The following UXS1 variants were observed in gnomAD, a reference collection of about 807,000 sequenced individuals.
UXS1 encodes UDP-glucuronic acid decarboxylase 1.
UXS1 carries 33 observed loss-of-function variants against 62.6 expected under a neutral mutation model. The ratio of observed to expected loss-of-function variants is 0.53; its 90% CI spans 0.40 to 0.70. UXS1 has a LOEUF of 0.70. UXS1 is among the 30% of genes least tolerant of loss of function. UXS1 has a pLI of 0.00. For missense variants in UXS1, 434 were observed against 556.3 expected (o/e 0.78, Z 2.21); for synonymous variants, 213 against 206.8 (o/e 1.03, Z -0.26).
intron 5 of UXS1, among the ~76,000 whole-genome samples, chr2:106,148,395 T>C (rs1681750656): frequency 6.6e-6 from 1 of 152,268 alleles, no homozygotes; most frequent in Non-Finnish European, 1.5e-5. Flanking sequence ...GTAACCCCTT[T>C]TAACATAACT....
intron 7 of UXS1, 81 bp downstream of exon 7, chr2:106,129,593 T>C (rs1361494043): frequency 6.8e-6 from 8 of 1,181,958 alleles, no homozygotes; most frequent in African/African-American, 1.5e-5. Flanking sequence ...CAAACTCTAG[T>C]AGAAGATTCA....
intron 6 of UXS1, among the ~76,000 whole-genome samples, chr2:106,143,871 G>A (rs897126452): frequency 1.3e-5 from 2 of 152,118 alleles, no homozygotes; most frequent in Non-Finnish European, 2.9e-5. Context: ...TGGTCTCCCC[G>A]CGGTATCTCT....
chr2:106,177,496 T>G (rs921276546), intron 1 of UXS1, among the ~76,000 whole-genome samples: 1 of 152,196 alleles, frequency 6.6e-6, no homozygotes, highest in Non-Finnish European at 1.5e-5. Context: ...AAGCCCGGCC[T>G]AGCTACATGC....
intron 5 of UXS1, among the ~76,000 whole-genome samples, chr2:106,151,511 C>T (rs1682015677): frequency 6.6e-6 from 1 of 152,082 alleles, no homozygotes; most frequent in Non-Finnish European, 1.5e-5. Context: ...GCCCTTCTGC[C>T]ACGGGATGAC....
chr2:106,117,307 A>G (rs998842176), intron 9 of UXS1, among the ~76,000 whole-genome samples: 3 of 152,200 alleles, frequency 2.0e-5, no homozygotes, highest in Non-Finnish European at 1.5e-5. Context: ...GATAGCTCAC[A>G]TTTATTTCAA....
chr2:106,146,225 G>A (rs1681554650), intron 5 of UXS1, among the ~76,000 whole-genome samples: 1 of 152,310 alleles, frequency 6.6e-6, no homozygotes, highest in Admixed American at 6.5e-5. Context: ...AAACAGACGT[G>A]CCATGCACAA....
Position 106,131,090 on chromosome 2 carries a change from C to G in UXS1, c.473-1312G>C, listed in dbSNP as rs867748052. ...GAAGCAGGGCGAGGCATTGCCTCACCTGGGAAGCGCAAGGGGTCAGGGAGT... is the reference window on the plus strand; with the variant it reads ...GAAGCAGGGCGAGGCATTGCCTCACGTGGGAAGCGCAAGGGGTCAGGGAGT... On this transcript the variant is annotated intron_variant, in intron 6 of 14. Transcript: ENST00000283148. Among the ~76,000 whole-genome samples, 21 of 149,346 alleles carry G rather than the reference C, an allele frequency of 1.4e-4. No individual in the cohort carries two copies. In the Middle Eastern group the frequency reaches 0.01, roughly 73 times the overall value.
At chr2:106,126,820 C>T (rs1187051641) in intron 7 of UXS1, among the ~76,000 whole-genome samples, 1 of 152,192 alleles carries the variant, frequency 6.6e-6, no homozygotes, top group Admixed American at 6.5e-5. Flanking sequence ...ACTATTTCCA[C>T]TGAAACGGAC....
Position 106,112,630 on chromosome 2 carries a change from C to A in UXS1, c.879+16G>T. On this transcript the variant is annotated intron_variant, in intron 10 of 14. Coordinates refer to ENST00000283148, the MANE Select transcript of UXS1 (RefSeq NM_001253875.2). ...TTGGGTTGCAAGGTGCTCCCTGAGCCGAGGCCAGCACCTACCGTGAGTGGC... is the reference window on the plus strand; with the variant it reads ...TTGGGTTGCAAGGTGCTCCCTGAGCAGAGGCCAGCACCTACCGTGAGTGGC... The A allele has an allele frequency of 6.2e-7, 1 of 1,613,222 alleles. No individual in the cohort carries two copies. The highest frequency in any genetic ancestry group is 8.5e-7 in the Non-Finnish European group (1 of 1,179,644).
chr2:106,147,870 A>G (rs2105006627), intron 5 of UXS1, among the ~76,000 whole-genome samples: 1 of 152,352 alleles, frequency 6.6e-6, no homozygotes, highest in East Asian at 1.9e-4. Flanking sequence ...TCAGTTAACA[A>G]GGCCAACCTC....
intron 1 of UXS1, among the ~76,000 whole-genome samples, chr2:106,169,349 T>A (rs969362249): frequency 3.3e-5 from 5 of 152,250 alleles, no homozygotes; most frequent in African/African-American, 1.2e-4. Context: ...AATCATTCCA[T>A]CGTTATTTGC....
intron 10 of UXS1, 61 bp downstream of exon 10, chr2:106,112,585 C>T: frequency 6.3e-7 from 1 of 1,594,124 alleles, no homozygotes; most frequent in Non-Finnish European, 8.5e-7. Flanking sequence ...ATCCCTCATC[C>T]TTTGTGAGCT....
chr2:106,158,026 A>G, intron 5 of UXS1, 32 bp downstream of exon 5: 1 of 1,514,144 alleles, frequency 6.6e-7, no homozygotes, highest in Non-Finnish European at 9.0e-7. Context: ...GTTTCTTAAT[A>G]TTACAAATAC....
At chr2:106,145,941 G>A (rs1052537006) in intron 5 of UXS1, among the ~76,000 whole-genome samples, 1 of 152,192 alleles carries the variant, frequency 6.6e-6, no homozygotes, top group Non-Finnish European at 1.5e-5. Flanking sequence ...TAAGTCCACT[G>A]TGTGGTTAAT....
intron 10 of UXS1, among the ~76,000 whole-genome samples, chr2:106,105,855 G>A (rs1472041972): frequency 6.6e-6 from 1 of 152,200 alleles, no homozygotes; most frequent in Non-Finnish European, 1.5e-5. Flanking sequence ...TCCCTGTGGT[G>A]GAAAGCAGGC....
chr2:106,159,049 C>T (rs1412512247), intron 4 of UXS1: 1 of 152,188 alleles, frequency 6.6e-6, no homozygotes, highest in Non-Finnish European at 1.5e-5. Context: ...CTTAAAAACT[C>T]AAGCCGCCGA....
intron 1 of UXS1, among the ~76,000 whole-genome samples, chr2:106,171,617 A>T (rs539813287): frequency 4.6e-5 from 7 of 152,372 alleles, no homozygotes; most frequent in African/African-American, 1.7e-4. Context: ...ATGCCAGGCC[A>T]CACAGAAAGT....
At chr2:106,164,876 C>G in intron 2 of UXS1, 77 bp from the exon 3 acceptor site, 2 of 1,052,926 alleles carry the variant, frequency 1.9e-6, no homozygotes, top group Non-Finnish European at 2.7e-6. Context: ...CATAACCCAA[C>G]GGATGCAGAC....
intron 1 of UXS1, 72 bp from the exon 2 acceptor site, chr2:106,166,155 T>A (rs1176038378): frequency 7.1e-7 from 1 of 1,412,908 alleles, no homozygotes; most frequent in Non-Finnish European, 9.8e-7. Context: ...GATGGAATCT[T>A]AAATTTTAAC....
Sources: gnomAD v4.1 joint callset for allele counts (sites outside exome capture counted in the v4.1 genomes callset) on GRCh38, gnomAD v4.1.1 for gene constraint, MANE v1.5 for transcripts, NCBI Gene and HGNC (gene_info 2026-07-23, HGNC 2026-07-21) for gene names.